The following ZBTB3 variants were observed in gnomAD, a reference collection of about 807,000 sequenced individuals.
The protein encoded by ZBTB3 is zinc finger and BTB domain containing 3, also known as zinc finger and BTB domain-containing protein 3.
In ZBTB3, 15 loss-of-function variants were observed where a neutral mutation model predicts 30.6. That is an observed-to-expected ratio of 0.49 (90% CI 0.33 to 0.75). The LOEUF (loss-of-function observed/expected upper bound fraction) is 0.75. ZBTB3 is among the 30% of genes least tolerant of loss of function. The pLI is 0.02. For missense variants in ZBTB3, 599 were observed against 652.1 expected, an observed-to-expected ratio of 0.92 and a Z score of 0.89; for synonymous variants, 258 against 261.7, an observed-to-expected ratio of 0.99 and a Z score of 0.14.
chr11:62,752,256 C>T lies in ZBTB3; in HGVS notation c.1409G>A (p.Arg470His), dbSNP rs1273332210. 3.7e-6 allele frequency: 6 copies of T among 1,614,158 alleles called. No individual in the cohort carries two copies. The highest frequency in any genetic ancestry group is 1.3e-5 in the African/African-American group (1 of 75,020). ...TQSGDLYRHI[R>H]KAHNEDLAKR... Reference sequence around the variant, plus strand: ...GGCCAGGTCCTCATTGTGAGCCTTGCGGATGTGGCGGTAGAGGTCCCCTGA... The same window carrying T: ...GGCCAGGTCCTCATTGTGAGCCTTGTGGATGTGGCGGTAGAGGTCCCCTGA... The change falls in exon 2 of 2, where the codon CGC becomes CAC. Residue 470 changes from arginine (R) to histidine (H), a missense_variant. Physicochemically the swap from Arg to His is conservative, Grantham distance 29. Coordinates refer to ENST00000394807, the MANE Select transcript of ZBTB3 (RefSeq NM_001370809.1).
rs753788443 is a variant in ZBTB3, at chr11:62,752,356, G to C, written c.1309C>G (p.Leu437Val). The stretch of plus-strand genomic sequence containing the variant: ...GTGTGCACCGTGGCATGTCGCCGTA[G>C]TGTGTAAGAGCATGAGAAGGTCTTC... ...CGKTFSCSYTLRRHATVHTRE... is the reference protein window; with the variant it reads ...CGKTFSCSYTVRRHATVHTRE... Residue 437 changes from leucine to valine, a missense_variant, in exon 2 of 2, where the codon CTA (leucine) becomes GTA (valine). Coordinates refer to ENST00000394807, the MANE Select transcript of ZBTB3 (RefSeq NM_001370809.1). The C allele has an allele frequency of 1.2e-6, 2 of 1,614,202 alleles. No individual in the cohort carries two copies. Among genetic ancestry groups the C allele is most frequent in the Non-Finnish European group, 1.7e-6 (2 of 1,180,042 alleles).
rs2084014387 is a variant in ZBTB3, at chr11:62,751,803, T to C, written c.*287A>G. The C allele has an allele frequency of 9.1e-6, 2 of 219,760 alleles. No homozygotes were observed. The highest frequency in any genetic ancestry group is 2.2e-4 in the South Asian group (2 of 9,192). The allele number at this position is 219,760 out of a possible 1,614,324, so 13.6% of individuals were successfully genotyped here. A position where few individuals can be genotyped will look rare whatever the true frequency, so the allele number is the denominator to read the frequency against. ...AAAAAAAATTAGCCAGGCATGGTGA[T>C]AGGCGCCTGTAGTCCCAGCTACTCG... is the stretch of plus-strand genomic sequence containing the variant. On this transcript the variant is annotated 3_prime_UTR_variant, in exon 2 of 2. Transcript: ENST00000394807.
rs1243440001 is a variant in ZBTB3 at position 62,753,124 on chromosome 11, C to T, written c.541G>A (p.Val181Ile). 2 of 1,614,034 alleles carry T rather than the reference C, an allele frequency of 1.2e-6. No individual in the cohort carries two copies. The highest frequency in any genetic ancestry group is 2.2e-5 in the South Asian group (2 of 91,090). ...WKGSAAPSPT[V>I]RPPDEPPMSS... ...ATTGGTGGCTCATCTGGAGGACGGACAGTAGGTGAGGGAGCAGCAGAGCCT... is the reference window on the plus strand; with the variant it reads ...ATTGGTGGCTCATCTGGAGGACGGATAGTAGGTGAGGGAGCAGCAGAGCCT... The change falls in exon 2 of 2, where the codon GTC (valine) becomes ATC (isoleucine). Residue 181 changes from valine (V) to isoleucine (I), a missense_variant. Coordinates refer to ENST00000394807, the MANE Select transcript of ZBTB3 (RefSeq NM_001370809.1).
chr11:62,752,009 G>C lies in ZBTB3; in HGVS notation c.*81C>G. The C allele has an allele frequency of 7.5e-7, 1 of 1,338,452 alleles. No individual in the cohort carries two copies. The highest frequency in any genetic ancestry group is 1.0e-6 in the Non-Finnish European group (1 of 981,968). The allele number at this position is 1,338,452 out of a possible 1,614,324, so 82.9% of individuals were successfully genotyped here. ...GCAGAGCCTTTATTCTTGTCACCCA[G>C]CAGGGGTGATAAGGTGCCACCAACC... On this transcript the variant is annotated 3_prime_UTR_variant, in exon 2 of 2. Coordinates refer to ENST00000394807, the MANE Select transcript of ZBTB3 (RefSeq NM_001370809.1).
In ZBTB3 at chr11:62,752,472, T is replaced by A. The variant is rs1470735106; in HGVS notation, c.1193A>T (p.His398Leu). The change falls in exon 2 of 2, where the codon CAT (histidine) becomes CTT (leucine). Residue 398 changes from histidine (H) to leucine (L), a missense_variant. Physicochemically the swap from His to Leu is moderately conservative, Grantham distance 99. Coordinates refer to ENST00000394807, the MANE Select transcript of ZBTB3 (RefSeq NM_001370809.1). ...TSPLPAPASL[H>L]EPLYLSSEYE... Reference sequence around the variant, plus strand: ...CTCAGAAGACAGGTAAAGTGGCTCATGCAGGGATGCGGGTGCAGGCAGAGG... The same window carrying A: ...CTCAGAAGACAGGTAAAGTGGCTCAAGCAGGGATGCGGGTGCAGGCAGAGG... The A allele has an allele frequency of 6.2e-7, 1 of 1,614,176 alleles. No individual in the cohort carries two copies. The highest frequency in any genetic ancestry group is 2.2e-5 in the East Asian group (1 of 44,884).
Position 62,752,025 on chromosome 11 carries a change from GCCA to G in ZBTB3, c.*62_*64del. 6.8e-7 allele frequency: 1 copy of G among 1,474,798 alleles called. No individual in the cohort carries two copies. The highest frequency in any genetic ancestry group is 9.1e-7 in the Non-Finnish European group (1 of 1,098,706). 91.4% of individuals were successfully genotyped at this position (1,474,798 alleles called of 1,614,324 possible). A position where few individuals can be genotyped will look rare whatever the true frequency, so the allele number is the denominator to read the frequency against. Reference sequence around the variant, plus strand: ...TGTCACCCAGCAGGGGTGATAAGGTGCCACCAACCTTCTGAGCTGCCATCTAAG... The same window carrying G: ...TGTCACCCAGCAGGGGTGATAAGGTGCCAACCTTCTGAGCTGCCATCTAAG... On this transcript the variant is annotated 3_prime_UTR_variant, in exon 2 of 2. Coordinates refer to ENST00000394807, the MANE Select transcript of ZBTB3 (RefSeq NM_001370809.1).
intron 1 of ZBTB3, 103 bp from the exon 2 acceptor site, chr11:62,753,818 CCTT>C (rs2084039453): frequency 1.3e-6 from 2 of 1,522,116 alleles, no homozygotes; most frequent in Non-Finnish European, 1.8e-6. Flanking sequence ...AAGTTACTGC[CCTT>C]CTTTCTCCTA....
Position 62,753,044 on chromosome 11 carries a change from C to A in ZBTB3, c.621G>T (p.Leu207=). The A allele has an allele frequency of 6.2e-7, 1 of 1,614,172 alleles. No homozygotes were observed. The highest frequency in any genetic ancestry group is 8.5e-7 in the Non-Finnish European group (1 of 1,180,024). Reference sequence around the variant, plus strand: ...CAGCCACTGGTGGATGAGGTGCCCGCAGATGTGGTGCGTCAACCTCCATGC... The same window carrying A: ...CAGCCACTGGTGGATGAGGTGCCCGAAGATGTGGTGCGTCAACCTCCATGC... ...QPGMEVDAPH[L]RAPHPPVADV... The change falls in exon 2 of 2, where the codon CTG becomes CTT. Residue 207 remains leucine, a synonymous_variant. Transcript: ENST00000394807.
chr11:62,752,513 T>G lies in ZBTB3; in HGVS notation c.1152A>C (p.Arg384=). 6.2e-7 allele frequency: 1 copy of G among 1,614,134 alleles called. No individual in the cohort carries two copies. The highest frequency in any genetic ancestry group is 8.5e-7 in the Non-Finnish European group (1 of 1,180,030). ...CAGGCAGAGGTGAGGTCACCAGTCC[T>G]CGATGATACTGCCCTGCACCTGGCA... ...HLLPGAGQYH[R]GLVTSPLPAP... The change falls in exon 2 of 2, where the codon CGA becomes CGC. Residue 384 remains arginine (R), a synonymous_variant. Coordinates refer to ENST00000394807, the MANE Select transcript of ZBTB3 (RefSeq NM_001370809.1).
chr11:62,754,027 T>C lies in ZBTB3; in HGVS notation c.-115A>G. The stretch of plus-strand genomic sequence containing the variant: ...TTCGCTCCCAGGCCTTGCCAGGCGA[T>C]GCCTCTACGCCCCACTTCGAGAACT... On this transcript the variant is annotated 5_prime_UTR_variant, in exon 1 of 2. Transcript: ENST00000394807. 2 of 1,614,072 alleles carry C rather than the reference T, an allele frequency of 1.2e-6. No homozygotes were observed. Among genetic ancestry groups the C allele is most frequent in the Non-Finnish European group, 1.7e-6 (2 of 1,180,028 alleles).
Position 62,752,133 on chromosome 11 carries a change from C to T in ZBTB3, c.1532G>A (p.Gly511Glu). The change falls in exon 2 of 2, where the codon GGG (glycine) becomes GAG (glutamate). Residue 511 changes from glycine to glutamate, a missense_variant. Gly to Glu is a moderately conservative substitution (Grantham distance 98). Coordinates refer to ENST00000394807, the MANE Select transcript of ZBTB3 (RefSeq NM_001370809.1). ...TADRQSSSGG[G>E]PPKDFVLAPK... ...GGCCAATACAAAATCTTTAGGTGGCCCTCCACCACTGCTGCTCTGTCTGTC... is the reference window on the plus strand; with the variant it reads ...GGCCAATACAAAATCTTTAGGTGGCTCTCCACCACTGCTGCTCTGTCTGTC... 1.2e-6 allele frequency: 2 copies of T among 1,613,400 alleles called. No homozygotes were observed. The highest frequency in any genetic ancestry group is 1.7e-6 in the Non-Finnish European group (2 of 1,179,644).
At chr11:62,753,930 C>A in intron 1 of ZBTB3, 34 bp downstream of exon 1, 1 of 1,611,768 alleles carries the variant, frequency 6.2e-7, no homozygotes, top group African/African-American at 1.3e-5. Flanking sequence ...GGAAGTCCCG[C>A]CCCTTAGCCA....
Position 62,754,145 on chromosome 11 carries a change from C to T in ZBTB3, c.-233G>A, listed in dbSNP as rs1019618643. 8 of 1,386,434 alleles carry T rather than the reference C, an allele frequency of 5.8e-6. No individual in the cohort carries two copies. Among genetic ancestry groups the T allele is most frequent in the Non-Finnish European group, 8.2e-6 (8 of 976,136 alleles). 85.9% of individuals were successfully genotyped at this position (1,386,434 alleles called of 1,614,324 possible). A position where few individuals can be genotyped will look rare whatever the true frequency, so the allele number is the denominator to read the frequency against. On this transcript the variant is annotated 5_prime_UTR_variant, in exon 1 of 2. Coordinates refer to ENST00000394807, the MANE Select transcript of ZBTB3 (RefSeq NM_001370809.1). ...TGATACCTCACCCACCACCGAGCAG[C>T]CACAGGGCGAGCTCCGCCCCTTCCC... is the stretch of plus-strand genomic sequence containing the variant.
Position 62,752,781 on chromosome 11 carries a change from G to A in ZBTB3, c.884C>T (p.Ala295Val). 1 of 1,614,150 alleles carries A rather than the reference G, an allele frequency of 6.2e-7. No homozygotes were observed. The highest frequency in any genetic ancestry group is 1.1e-5 in the South Asian group (1 of 91,084). Residue 295 changes from alanine (A) to valine (V), a missense_variant, in exon 2 of 2, where the codon GCC becomes GTC. Transcript: ENST00000394807. ...CTGGACCAGCTCAGCTTCAGCTGGG[G>A]CTGGAGCCTGGGATGGAACTGGAGC... is the stretch of plus-strand genomic sequence containing the variant. ...VSAPVPSQAPAPAEAELVQVK... is the reference protein window; with the variant it reads ...VSAPVPSQAPVPAEAELVQVK...
Position 62,752,320 on chromosome 11 carries a change from G to A in ZBTB3, c.1345C>T (p.Pro449Ser). 1 of 1,614,154 alleles carries A rather than the reference G, an allele frequency of 6.2e-7. No individual in the cohort carries two copies. The highest frequency in any genetic ancestry group is 8.5e-7 in the Non-Finnish European group (1 of 1,180,038). ...CGCAGGCAGTAGCGGCACTCATAGG[G>A]TCGCTCACGTGTGTGCACCGTGGCA... ...RHATVHTRERPYECRYCLRSY... is the reference protein window; with the variant it reads ...RHATVHTRERSYECRYCLRSY... The change falls in exon 2 of 2, where the codon CCC (proline) becomes TCC (serine). Residue 449 changes from proline (P) to serine (S), a missense_variant. Coordinates refer to ENST00000394807, the MANE Select transcript of ZBTB3 (RefSeq NM_001370809.1).
At position 62,751,251 on chromosome 11, in the gene ZBTB3, A is replaced by G. The variant is rs986404022; in HGVS notation, c.*839T>C. 5.9e-5 allele frequency: 9 copies of G among 152,186 alleles called. No individual in the cohort carries two copies. Among genetic ancestry groups the G allele is most frequent in the African/African-American group, 2.2e-4 (9 of 41,424 alleles). 9.4% of individuals were successfully genotyped at this position (152,186 alleles called of 1,614,324 possible). A position where few individuals can be genotyped will look rare whatever the true frequency, so the allele number is the denominator to read the frequency against. ...CCCTGTCTCTACTAAAAATACAGGA[A>G]TTAGCTGGGCGTGGTGGCGCGTTCC... is the stretch of plus-strand genomic sequence containing the variant. On this transcript the variant is annotated 3_prime_UTR_variant, in exon 2 of 2. Transcript: ENST00000394807.
At chr11:62,753,929 G>A in intron 1 of ZBTB3, 35 bp downstream of exon 1, 2 of 1,391,702 alleles carry the variant, frequency 1.4e-6, no homozygotes. Flanking sequence ...CGGAAGTCCC[G>A]CCCCTTAGCC....
At chr11:62,753,940 A>G in intron 1 of ZBTB3, 24 bp downstream of exon 1, 6 of 1,565,668 alleles carry the variant, frequency 3.8e-6, no homozygotes, top group Non-Finnish European at 5.2e-6. Flanking sequence ...CCCCTTAGCC[A>G]CCCTCCGCTT....
At position 62,752,531 on chromosome 11, in the gene ZBTB3, A is replaced by G; in HGVS notation, c.1134T>C (p.Gly378=). 6.2e-7 allele frequency: 1 copy of G among 1,614,164 alleles called. No individual in the cohort carries two copies. The change falls in exon 2 of 2, where the codon GGT becomes GGC. Residue 378 remains glycine (G), a synonymous_variant. Transcript: ENST00000394807. ...DPHLPYHLLP[G]AGQYHRGLVT... ...CCAGTCCTCGATGATACTGCCCTGC[A>G]CCTGGCAGCAGATGGTAGGGTAGAT...
Sources: gnomAD v4.1 joint callset for allele counts on GRCh38, gnomAD v4.1.1 for gene constraint, MANE v1.5 for transcripts, NCBI Gene and HGNC (gene_info 2026-07-23, HGNC 2026-07-21) for gene names.